The following ARHGAP20 variants were observed in gnomAD, a reference collection of about 807,000 sequenced individuals.
The protein encoded by ARHGAP20 is Rho GTPase activating protein 20.
In ARHGAP20, 34 loss-of-function variants were observed where a neutral mutation model predicts 73.7. That is an observed-to-expected ratio of 0.46 (90% CI 0.35 to 0.61). The LOEUF is 0.61. Ranked by LOEUF, ARHGAP20 falls within the 20% of genes least tolerant of loss-of-function variation. The probability of loss-of-function intolerance (pLI) is 0.00; values close to 1 mark genes in which losing one functional copy is unlikely to be tolerated. For synonymous variants in ARHGAP20, 523 were observed against 518.2 expected (o/e 1.01, Z -0.13); for missense variants, 1,314 against 1,420.9 (o/e 0.92, Z 1.21).
rs1342993943 is a variant in ARHGAP20, at chr11:110,577,309, C to T, written c.*2061G>A. 1 of 1,357,214 alleles carries T rather than the reference C, an allele frequency of 7.4e-7. No homozygotes were observed. Among genetic ancestry groups the T allele is most frequent in the Non-Finnish European group, 9.5e-7 (1 of 1,054,834 alleles). 84.1% of individuals were successfully genotyped at this position (1,357,214 alleles called of 1,614,324 possible). A position where few individuals can be genotyped will look rare whatever the true frequency, so the allele number is the denominator to read the frequency against. ...AATGACATATAGTCTGTCTTCAAAT[C>T]ATACAATATAATACTTTACAGCAAT... On this transcript the variant is annotated 3_prime_UTR_variant, in exon 15 of 15. Coordinates refer to ENST00000683387, the MANE Select transcript of ARHGAP20 (RefSeq NM_001384657.1).
At chr11:110,607,507 T>C (rs945678346) in intron 8 of ARHGAP20, among the ~76,000 whole-genome samples, 8 of 152,226 alleles carry the variant, frequency 5.3e-5, no homozygotes, top group African/African-American at 1.9e-4. Flanking sequence ...AATCCTCAAA[T>C]ACCACTGATG....
chr11:110,615,474 T>C (rs1948463100), intron 5 of ARHGAP20, 79 bp downstream of exon 5: 1 of 1,329,270 alleles, frequency 7.5e-7, no homozygotes, highest in African/African-American at 1.5e-5. Context: ...GGGAATAATT[T>C]GGGGCACATC....
rs1278426584 is a variant in ARHGAP20, at chr11:110,668,112, C to G, written c.188+22435G>C. 2.0e-5 allele frequency among the ~76,000 whole-genome samples: 3 copies of G among 152,128 alleles called. 1 individual carries two copies. Among genetic ancestry groups the G allele is most frequent in the Admixed American group, 2.0e-4 (3 of 15,272 alleles). ...AGAAGTTCTGTGGGAAAAATGCTAT[C>G]AAACAGTATTGCATGCTACAGAAAA... On this transcript the variant is annotated intron_variant, in intron 2 of 14. Transcript: ENST00000683387.
At chr11:110,634,582 T>C (rs1269484640) in intron 2 of ARHGAP20, among the ~76,000 whole-genome samples, 1 of 152,152 alleles carries the variant, frequency 6.6e-6, no homozygotes, top group Non-Finnish European at 1.5e-5. Context: ...TTTAATGACT[T>C]GGGTGGAGTG....
At chr11:110,685,765 A>C (rs1199061455) in intron 2 of ARHGAP20, among the ~76,000 whole-genome samples, 3 of 152,170 alleles carry the variant, frequency 2.0e-5, no homozygotes, top group Non-Finnish European at 4.4e-5. Flanking sequence ...AAAAGTAGTA[A>C]GGTTCTACAG....
rs1947360526 is a variant in ARHGAP20, at chr11:110,579,049, T to G, written c.*321A>C. 5 of 1,013,966 alleles carry G rather than the reference T, an allele frequency of 4.9e-6. No homozygotes were observed. The South Asian group carries it at 2.1e-4, about 43-fold the overall frequency. 62.8% of individuals were successfully genotyped at this position (1,013,966 alleles called of 1,614,324 possible). ...TCTTGGTCTTCTCAGGACATCAATCTCACAGACTGTTCCCATAAGTGCTTC... is the reference window on the plus strand; with the variant it reads ...TCTTGGTCTTCTCAGGACATCAATCGCACAGACTGTTCCCATAAGTGCTTC... On this transcript the variant is annotated 3_prime_UTR_variant, in exon 15 of 15. Transcript: ENST00000683387.
Position 110,582,410 on chromosome 11 carries a change from A to G in ARHGAP20, c.1631T>C (p.Ile544Thr). Reference sequence around the variant, plus strand: ...TCCAAATATCCTAAGGCAATTCTCAATCAGAAATTGTATAAGCAGGGAAAC... The same window carrying G: ...TCCAAATATCCTAAGGCAATTCTCAGTCAGAAATTGTATAAGCAGGGAAAC... Reference protein sequence around the residue: ...KKVSLLIQFLIENCLRIFGEE... With the variant: ...KKVSLLIQFLTENCLRIFGEE... Residue 544 changes from isoleucine to threonine, a missense_variant, in exon 14 of 15, where the codon ATT (isoleucine) becomes ACT (threonine). Transcript: ENST00000683387. 6.2e-7 allele frequency: 1 copy of G among 1,613,412 alleles called. No individual in the cohort carries two copies. Among genetic ancestry groups the G allele is most frequent in the Non-Finnish European group, 8.5e-7 (1 of 1,179,346 alleles).
chr11:110,614,474 T>C, intron 6 of ARHGAP20, 87 bp downstream of exon 6: 1 of 1,252,250 alleles, frequency 8.0e-7, no homozygotes, highest in Non-Finnish European at 1.1e-6. Context: ...TTAGCCTGCC[T>C]GCCTGCCTGC....
intron 8 of ARHGAP20, among the ~76,000 whole-genome samples, chr11:110,607,976 T>G (rs1948273619): frequency 6.6e-6 from 1 of 152,192 alleles, no homozygotes; most frequent in Non-Finnish European, 1.5e-5. Context: ...ATTACAAAAA[T>G]GACAACATTA....
In ARHGAP20 at chr11:110,591,983, A is replaced by G; in HGVS notation, c.1137T>C (p.Pro379=). Residue 379 remains proline, a synonymous_variant, in exon 10 of 15, where the codon CCT becomes CCC. Coordinates refer to ENST00000683387, the MANE Select transcript of ARHGAP20 (RefSeq NM_001384657.1). ...NICENDNLPK[P]VLDMLFFLNQ... ...AGACCAAAATGAGCCTTACCAAGAC[A>G]GGTTTGGGCAGATTGTCATTCTCAC... The G allele has an allele frequency of 6.2e-7, 1 of 1,613,952 alleles. No homozygotes were observed. The highest frequency in any genetic ancestry group is 8.5e-7 in the Non-Finnish European group (1 of 1,179,896).
chr11:110,602,222 C>CTT lies in ARHGAP20; in HGVS notation c.964+4337_964+4338dup, dbSNP rs35937574. 7.7e-3 allele frequency among the ~76,000 whole-genome samples: 1,153 copies of CTT among 149,996 alleles called. 9 individuals are homozygous for CTT. Among genetic ancestry groups the CTT allele is most frequent in the African/African-American group, 0.024 (997 of 40,922 alleles). On this transcript the variant is annotated intron_variant, in intron 9 of 14. Transcript: ENST00000683387. ...CACATCTATCAGGATACCACAACAT[C>CTT]TTTTTTTTTTATTACTTATTATGTA...
intron 1 of ARHGAP20, among the ~76,000 whole-genome samples, chr11:110,701,372 C>T (rs1267109588): frequency 1.3e-5 from 2 of 151,962 alleles, no homozygotes; most frequent in Admixed American, 6.6e-5. Context: ...TTTTTGGCTG[C>T]ATAAATGTCT....
At chr11:110,640,276 T>C (rs1369089127) in intron 2 of ARHGAP20, among the ~76,000 whole-genome samples, 1 of 152,032 alleles carries the variant, frequency 6.6e-6, no homozygotes, top group Non-Finnish European at 1.5e-5. Context: ...TCCGGATGCA[T>C]AGTACCAATG....
At chr11:110,626,948 G>A (rs2134943822) in intron 3 of ARHGAP20, among the ~76,000 whole-genome samples, 1 of 152,156 alleles carries the variant, frequency 6.6e-6, no homozygotes, top group East Asian at 1.9e-4. Flanking sequence ...AATTTCCATA[G>A]TATTAGACTA....
intron 2 of ARHGAP20, among the ~76,000 whole-genome samples, chr11:110,648,214 TATATATGTATATATATATATATGTAA>T (rs1182459053): frequency 1.2e-4 from 7 of 59,636 alleles, no homozygotes; most frequent in African/African-American, 6.5e-4. Context: ...TATGTAAATA[TATATATGTATATATATATATATGTAA>T]ATATATATAT....
chr11:110,709,975 C>T (rs1950616568), intron 1 of ARHGAP20, among the ~76,000 whole-genome samples: 1 of 152,202 alleles, frequency 6.6e-6, no homozygotes, highest in Admixed American at 6.5e-5. Context: ...TTGGACTACA[C>T]TGGCAACAGT....
chr11:110,587,251 G>GC (rs1336877441), intron 11 of ARHGAP20, among the ~76,000 whole-genome samples: 1 of 152,188 alleles, frequency 6.6e-6, no homozygotes, highest in Non-Finnish European at 1.5e-5. Flanking sequence ...CCAAGGTCAA[G>GC]CTTGCAGTCT....
chr11:110,660,332 G>A (rs1949580710), intron 2 of ARHGAP20, among the ~76,000 whole-genome samples: 1 of 152,042 alleles, frequency 6.6e-6, no homozygotes, highest in Non-Finnish European at 1.5e-5. Flanking sequence ...GTACCTAAAG[G>A]GTGAGTCAAG....
chr11:110,706,033 T>A (rs900993337), intron 1 of ARHGAP20, among the ~76,000 whole-genome samples: 1 of 152,182 alleles, frequency 6.6e-6, no homozygotes, highest in African/African-American at 2.4e-5. Flanking sequence ...AGTCAATGTT[T>A]ACCTAATATT....
Sources: gnomAD v4.1 joint callset for allele counts (sites outside exome capture counted in the v4.1 genomes callset) on GRCh38, gnomAD v4.1.1 for gene constraint, MANE v1.5 for transcripts, NCBI Gene and HGNC (gene_info 2026-07-23, HGNC 2026-07-21) for gene names.